IFT81: variants seen among roughly 807,000 people sequenced by gnomAD.
IFT81 encodes intraflagellar transport 81, also known as intraflagellar transport protein 81 homolog.
Under a neutral mutation model 102.6 loss-of-function variants are expected in IFT81, and 72 were observed. The observed-to-expected ratio is 0.70, with a 90% CI of 0.58 to 0.85. The LOEUF (loss-of-function observed/expected upper bound fraction) is 0.85, where lower values mean the gene tolerates loss of function less well. Among genes scored for constraint, IFT81 ranks in the 40% least tolerant of loss-of-function variants. The pLI, the probability that IFT81 is intolerant of heterozygous loss-of-function variation, is 0.00. For missense variants in IFT81, 723 were observed against 787.3 expected, an observed-to-expected ratio of 0.92 and a Z score of 0.98; for synonymous variants, 237 against 242.7, an observed-to-expected ratio of 0.98 and a Z score of 0.22.
chr12:110,137,740 A>AAAATAAATAAAT (rs557508241), intron 8 of IFT81, among the ~76,000 whole-genome samples: 3 of 151,974 alleles, frequency 2.0e-5, no homozygotes, highest in Admixed American at 6.6e-5. Flanking sequence ...TGTCTCAAGA[A>AAAATAAATAAAT]AAATAAATAA....
chr12:110,180,348 G>A, intron 11 of IFT81, 74 bp from the exon 12 acceptor site: 1 of 848,534 alleles, frequency 1.2e-6, no homozygotes, highest in Non-Finnish European at 1.7e-6. Context: ...TGAATATATT[G>A]AGTTTATACA....
intron 4 of IFT81, among the ~76,000 whole-genome samples, chr12:110,131,261 T>A (rs886775296): frequency 2.0e-5 from 3 of 151,538 alleles, no homozygotes; most frequent in African/African-American, 7.3e-5. Flanking sequence ...CCAGCCAGGG[T>A]GACAGAGTGA....
chr12:110,193,097 G>A (rs920419751), intron 14 of IFT81, among the ~76,000 whole-genome samples: 20 of 152,242 alleles, frequency 1.3e-4, no homozygotes, highest in African/African-American at 4.6e-4. Flanking sequence ...CAGAAGGTCA[G>A]GATTGCAGTG....
chr12:110,132,473 AAAGAAAG>A, intron 4 of IFT81, 67 bp from the exon 5 acceptor site: 1 of 654,926 alleles, frequency 1.5e-6, no homozygotes, highest in Non-Finnish European at 2.5e-6. Context: ...AAAAAAAAAA[AAAGAAAG>A]AAAGAAAGAA....
chr12:110,212,222 A>G (rs1001056481), intron 18 of IFT81, among the ~76,000 whole-genome samples: 2 of 149,116 alleles, frequency 1.3e-5, no homozygotes, highest in African/African-American at 5.0e-5. Flanking sequence ...TGGTAAATAA[A>G]GGTGATATGT....
At chr12:110,214,988 A>G (rs577370392) in intron 18 of IFT81, among the ~76,000 whole-genome samples, 3 of 152,294 alleles carry the variant, frequency 2.0e-5, no homozygotes, top group Admixed American at 2.0e-4. Context: ...TATGCCAGGT[A>G]TTGCATCAAA....
At chr12:110,145,444 T>G (rs1047792898) in intron 9 of IFT81, among the ~76,000 whole-genome samples, 4 of 139,232 alleles carry the variant, frequency 2.9e-5, no homozygotes, top group East Asian at 2.0e-4. Context: ...GTTTTTTTTG[T>G]TTTTTTTTTT....
intron 10 of IFT81, among the ~76,000 whole-genome samples, chr12:110,153,940 G>A (rs1158304793): frequency 6.6e-6 from 1 of 151,642 alleles, no homozygotes; most frequent in Non-Finnish European, 1.5e-5. Flanking sequence ...TTTAAGTGTT[G>A]GGTGGAATTC....
chr12:110,215,309 C>T (rs996345399), intron 18 of IFT81, among the ~76,000 whole-genome samples: 2 of 151,864 alleles, frequency 1.3e-5, no homozygotes, highest in African/African-American at 4.8e-5. Context: ...CACTCGGTGT[C>T]GGTACAGATA....
chr12:110,144,716 T>C (rs911712065), intron 9 of IFT81, among the ~76,000 whole-genome samples: 2 of 150,018 alleles, frequency 1.3e-5, no homozygotes, highest in Non-Finnish European at 3.0e-5. Context: ...TTGCCATTTG[T>C]CCAGGCTGGT....
chr12:110,170,063 CTGCCT>C (rs1896663198), intron 11 of IFT81, among the ~76,000 whole-genome samples: 1 of 151,726 alleles, frequency 6.6e-6, no homozygotes, highest in Non-Finnish European at 1.5e-5. Context: ...CGCCATTCTC[CTGCCT>C]CAGCCTCCCG....
intron 8 of IFT81, among the ~76,000 whole-genome samples, chr12:110,140,411 C>A (rs751958552): frequency 1.2e-3 from 187 of 152,298 alleles, no homozygotes; most frequent in Non-Finnish European, 2.9e-4. Context: ...CACTCTTGCC[C>A]CCTTCTGCCT....
At chr12:110,206,328 A>G (rs567913090) in intron 17 of IFT81, among the ~76,000 whole-genome samples, 132 of 152,344 alleles carry the variant, frequency 8.7e-4, no homozygotes, top group Non-Finnish European at 1.6e-3. Context: ...CTAAAAAAAA[A>G]TACATTTATG....
At chr12:110,135,483 C>T in intron 7 of IFT81, 46 bp downstream of exon 7, 1 of 1,105,286 alleles carries the variant, frequency 9.0e-7, no homozygotes, top group South Asian at 1.4e-5. Context: ...GAAATAGTTC[C>T]TTCTCATAAT....
rs748278475 is a variant in IFT81, at chr12:110,146,962, A to G, written c.955A>G (p.Ile319Val). 2 of 1,605,200 alleles carry G rather than the reference A, an allele frequency of 1.2e-6. No individual in the cohort carries two copies. Among genetic ancestry groups the G allele is most frequent in the East Asian group, 2.2e-5 (1 of 44,738 alleles). The change falls in exon 10 of 19, where the codon ATA (isoleucine) becomes GTA (valine). Residue 319 changes from isoleucine to valine, a missense_variant. Physicochemically the swap from Ile to Val is conservative, Grantham distance 29. Coordinates refer to ENST00000242591, the MANE Select transcript of IFT81 (RefSeq NM_014055.4). ...TTTCATGCTATTTTAGATAAATGAA[A>G]TAAACACAGAAATTAACCAGTTGAT... ...LLELESKINE[I>V]NTEINQLIEK... is the part of the protein sequence containing the mutation.
At chr12:110,156,101 C>G (rs1426237972) in intron 10 of IFT81, among the ~76,000 whole-genome samples, 1 of 152,096 alleles carries the variant, frequency 6.6e-6, no homozygotes, top group Non-Finnish European at 1.5e-5. Context: ...AAAACATAAA[C>G]TAATAATTCT....
At chr12:110,170,090 C>G (rs1466694566) in intron 11 of IFT81, among the ~76,000 whole-genome samples, 1 of 151,220 alleles carries the variant, frequency 6.6e-6, no homozygotes, top group Non-Finnish European at 1.5e-5. Flanking sequence ...GTAGCTGGGA[C>G]TACAGGTGCC....
intron 8 of IFT81, among the ~76,000 whole-genome samples, chr12:110,139,753 G>A (rs1430038246): frequency 1.3e-5 from 2 of 148,948 alleles, no homozygotes; most frequent in African/African-American, 5.0e-5. Flanking sequence ...CAGCCTGGGC[G>A]ACAGAGTGAG....
rs142889767 is a variant in IFT81 at position 110,131,807 on chromosome 12, A to G, written c.430-740A>G. ...AATTATAATAGTCAGTTATAATTGT[A>G]CATGATATCTACTCTGATAGGATAG... On this transcript the variant is annotated intron_variant, in intron 4 of 18. Coordinates refer to ENST00000242591, the MANE Select transcript of IFT81 (RefSeq NM_014055.4). Among the ~76,000 whole-genome samples, 1,048 of 152,340 alleles carry G rather than the reference A, an allele frequency of 6.9e-3. 1 individual carries two copies. The highest frequency in any genetic ancestry group is 9.5e-3 in the Non-Finnish European group (644 of 68,030).
Sources: allele counts gnomAD v4.1 joint callset (sites outside exome capture counted in the v4.1 genomes callset), GRCh38; gene constraint gnomAD v4.1.1; transcripts MANE v1.5; gene names NCBI Gene and HGNC (gene_info 2026-07-23, HGNC 2026-07-21).